The following RANBP2 variants were observed in gnomAD, a reference collection of about 807,000 sequenced individuals.
The protein encoded by RANBP2 is E3 SUMO-protein ligase RanBP2.
A neutral mutation model predicts 303.6 loss-of-function variants in RANBP2; 57 were observed. That is an observed-to-expected ratio of 0.19 (90% CI 0.15 to 0.23). The LOEUF is 0.23. RANBP2 is among the 10% of genes least tolerant of loss of function. RANBP2 has a pLI of 1.00. For missense variants in RANBP2, 3,138 were observed against 3,780.8 expected (o/e 0.83, Z 4.46); for synonymous variants, 1,167 against 1,301.5 (o/e 0.90, Z 2.23).
At chr2:109,307,398 A>T in the RANBP2 span, among the ~76,000 whole-genome samples, 1 of 151,782 alleles carries the variant, frequency 6.6e-6, no homozygotes, top group Non-Finnish European at 1.5e-5. Context: ...CTCTGGGCGG[A>T]AGCTTGGAGC....
In RANBP2 at chr2:108,719,492, T is replaced by C; in HGVS notation, c.-115T>C. ...CGCCGCAAGTTCGTCACAGTGGTCC[T>C]CCGCCGGCTACGGCGCTGCGTCACT... is the stretch of plus-strand genomic sequence containing the variant. On this transcript the variant is annotated 5_prime_UTR_variant, in exon 1 of 29. Coordinates refer to ENST00000283195, the MANE Select transcript of RANBP2 (RefSeq NM_006267.5). 1 of 1,510,608 alleles carries C rather than the reference T, an allele frequency of 6.6e-7. No homozygotes were observed. The highest frequency in any genetic ancestry group is 1.4e-5 in the African/African-American group (1 of 72,026). The allele number at this position is 1,510,608 out of a possible 1,614,324, so 93.6% of individuals were successfully genotyped here.
At chr2:109,279,809 G>T in the RANBP2 span, among the ~76,000 whole-genome samples, 1 of 152,200 alleles carries the variant, frequency 6.6e-6, no homozygotes, top group African/African-American at 2.4e-5. Flanking sequence ...GAAGAGGTCC[G>T]GGAGGATCTA....
chr2:108,892,560 G>GT, the RANBP2 span, among the ~76,000 whole-genome samples: 1 of 152,164 alleles, frequency 6.6e-6, no homozygotes. Context: ...TCTTGCTGTA[G>GT]TTGCTTAGGT....
At chr2:109,589,340 CT>C in the RANBP2 span, among the ~76,000 whole-genome samples, 2 of 151,958 alleles carry the variant, frequency 1.3e-5, no homozygotes, top group African/African-American at 2.4e-5. Flanking sequence ...TGAAACCAAC[CT>C]GGCCAGCATG....
chr2:109,051,734 T>A, the RANBP2 span, among the ~76,000 whole-genome samples: 1 of 152,244 alleles, frequency 6.6e-6, no homozygotes, highest in South Asian at 2.1e-4. Context: ...TAAGAAAATG[T>A]TTAGATTTTT....
chr2:109,407,743 G>GA, the RANBP2 span, among the ~76,000 whole-genome samples: 1 of 100,886 alleles, frequency 9.9e-6, no homozygotes, highest in African/African-American at 4.4e-5. Context: ...AGCCTGGGAT[G>GA]AATAAAAAAA....
chr2:109,732,242 C>G, the RANBP2 span, among the ~76,000 whole-genome samples: 1 of 152,096 alleles, frequency 6.6e-6, no homozygotes, highest in South Asian at 2.1e-4. Context: ...CTGGACAGAC[C>G]TAGGCCACCT....
the RANBP2 span, among the ~76,000 whole-genome samples, chr2:109,088,189 GAGATCA>G: frequency 6.6e-6 from 1 of 152,042 alleles, no homozygotes; most frequent in Non-Finnish European, 1.5e-5. Context: ...ACAAGGTCAA[GAGATCA>G]AGACCATCCT....
At chr2:109,574,792 T>C in the RANBP2 span, 4 of 1,515,704 alleles carry the variant, frequency 2.6e-6, no homozygotes, top group Non-Finnish European at 3.6e-6. Flanking sequence ...AAATGTTTAA[T>C]ACAACATTAT....
At chr2:109,544,846 T>C in the RANBP2 span, 1 of 780,460 alleles carries the variant, frequency 1.3e-6, no homozygotes, top group East Asian at 1.3e-4. Context: ...GGGATGGCTA[T>C]ATCAATGAAC....
chr2:109,529,349 G>A, the RANBP2 span, among the ~76,000 whole-genome samples: 4 of 152,192 alleles, frequency 2.6e-5, no homozygotes, highest in African/African-American at 7.2e-5. Flanking sequence ...ACAGTGTAGA[G>A]TGACCAGCGG....
At chr2:109,510,894 A>T in the RANBP2 span, among the ~76,000 whole-genome samples, 4 of 152,206 alleles carry the variant, frequency 2.6e-5, no homozygotes. Flanking sequence ...GGGCCCTTCC[A>T]GGAGCCCCTG....
chr2:109,427,487 C>A, the RANBP2 span, among the ~76,000 whole-genome samples: 1 of 152,158 alleles, frequency 6.6e-6, no homozygotes, highest in Non-Finnish European at 1.5e-5. Context: ...GCTGTTGAAA[C>A]ACAGATTGCT....
the RANBP2 span, among the ~76,000 whole-genome samples, chr2:109,376,246 G>C: frequency 6.6e-6 from 1 of 152,264 alleles, no homozygotes; most frequent in Non-Finnish European, 1.5e-5. Context: ...TTTCCTGCCT[G>C]GGTGAGGTTT....
the RANBP2 span, among the ~76,000 whole-genome samples, chr2:109,600,258 C>T: frequency 1.3e-5 from 2 of 152,122 alleles, no homozygotes; most frequent in Admixed American, 6.6e-5. Context: ...GCTTTCTCCC[C>T]AGCACCCACA....
At chr2:109,710,666 G>A in the RANBP2 span, among the ~76,000 whole-genome samples, 2 of 152,182 alleles carry the variant, frequency 1.3e-5, no homozygotes, top group Non-Finnish European at 2.9e-5. Flanking sequence ...GCTTTGGAGA[G>A]CCTTCCAGGT....
At chr2:109,334,233 C>T in the RANBP2 span, among the ~76,000 whole-genome samples, 1 of 151,890 alleles carries the variant, frequency 6.6e-6, no homozygotes, top group Non-Finnish European at 1.5e-5. Context: ...TGGCATGCAC[C>T]TGTAGTCTCA....
At chr2:109,205,790 C>T in the RANBP2 span, among the ~76,000 whole-genome samples, 4 of 152,120 alleles carry the variant, frequency 2.6e-5, no homozygotes, top group Non-Finnish European at 5.9e-5. Context: ...CCTGAAGCAG[C>T]GGGGGGATCA....
the RANBP2 span, among the ~76,000 whole-genome samples, chr2:109,427,184 G>T: frequency 4.6e-5 from 7 of 151,990 alleles, no homozygotes; most frequent in Admixed American, 4.6e-4. Context: ...GTCCCAGCTG[G>T]TCTCAAACTC....
Sources: gnomAD v4.1 joint callset for allele counts (sites outside exome capture counted in the v4.1 genomes callset) on GRCh38, gnomAD v4.1.1 for gene constraint, MANE v1.5 for transcripts, NCBI Gene and HGNC (gene_info 2026-07-23, HGNC 2026-07-21) for gene names.